The following CAMK2D variants were observed in gnomAD, a reference collection of about 807,000 sequenced individuals.
CAMK2D encodes calcium/calmodulin-dependent protein kinase type II subunit delta.
A neutral mutation model predicts 84.0 loss-of-function variants in CAMK2D; 37 were observed. The observed-to-expected ratio is 0.44, with a 90% CI of 0.34 to 0.58. The LOEUF (loss-of-function observed/expected upper bound fraction) is 0.58. CAMK2D is among the 20% of genes least tolerant of loss of function. The probability of loss-of-function intolerance (pLI) is 0.02; values close to 1 mark genes in which losing one functional copy is unlikely to be tolerated. For synonymous variants in CAMK2D, 202 were observed against 212.5 expected, an observed-to-expected ratio of 0.95 and a Z score of 0.43; for missense variants, 448 against 652.5, an observed-to-expected ratio of 0.69 and a Z score of 3.41.
At chr4:113,642,529 A>T (rs577006704) in intron 3 of CAMK2D, among the ~76,000 whole-genome samples, 1 of 152,214 alleles carries the variant, frequency 6.6e-6, no homozygotes, top group Non-Finnish European at 1.5e-5. Context: ...ACAGATGGAC[A>T]TGCTAAGGCT....
chr4:113,542,862 CTCTCTCTT>C (rs1219135859), intron 6 of CAMK2D, among the ~76,000 whole-genome samples: 4 of 152,050 alleles, frequency 2.6e-5, no homozygotes, highest in African/African-American at 9.7e-5. Context: ...TCATTAAAAT[CTCTCTCTT>C]TCTCTCTCTC....
At chr4:113,709,753 A>ATATATATATATATATATG (rs1561969996) in intron 2 of CAMK2D, among the ~76,000 whole-genome samples, 1 of 92,352 alleles carries the variant, frequency 1.1e-5, no homozygotes, top group African/African-American at 4.8e-5. Context: ...AACGATATAT[A>ATATATATATATATATATG]TATATATATA....
intron 16 of CAMK2D, among the ~76,000 whole-genome samples, chr4:113,471,013 T>C (rs1187155214): frequency 1.3e-5 from 2 of 152,216 alleles, no homozygotes; most frequent in African/African-American, 4.8e-5. Flanking sequence ...AATTGACAAA[T>C]GGAAATAATT....
At chr4:113,552,800 G>C (rs1161582463) in intron 4 of CAMK2D, among the ~76,000 whole-genome samples, 1 of 152,182 alleles carries the variant, frequency 6.6e-6, no homozygotes, top group African/African-American at 2.4e-5. Context: ...CTGGGTGAAA[G>C]AGTACCCACA....
chr4:113,467,336 A>T (rs747747145), intron 16 of CAMK2D, among the ~76,000 whole-genome samples: 4 of 152,172 alleles, frequency 2.6e-5, no homozygotes, highest in African/African-American at 4.8e-5. Flanking sequence ...CACAAGCTTA[A>T]ATGCTTACTT....
At chr4:113,568,341 G>T (rs2098735625) in intron 4 of CAMK2D, among the ~76,000 whole-genome samples, 1 of 151,934 alleles carries the variant, frequency 6.6e-6, no homozygotes, top group African/African-American at 2.4e-5. Flanking sequence ...TGTGCTTTTG[G>T]GTCTAGCTTA....
chr4:113,755,901 C>T (rs779746920), intron 2 of CAMK2D, among the ~76,000 whole-genome samples: 33 of 151,838 alleles, frequency 2.2e-4, no homozygotes, highest in Non-Finnish European at 4.3e-4. Flanking sequence ...ACTAAGCATG[C>T]CCTCAATGCC....
chr4:113,760,858 C>T, intron 1 of CAMK2D, 146 bp downstream of exon 1: 1 of 957,492 alleles, frequency 1.0e-6, no homozygotes, highest in Non-Finnish European at 1.6e-6. Context: ...AAGACAGCAC[C>T]TTCCCCAGAG....
chr4:113,593,874 C>A (rs1483904748), intron 4 of CAMK2D, among the ~76,000 whole-genome samples: 1 of 152,066 alleles, frequency 6.6e-6, no homozygotes, highest in African/African-American at 2.4e-5. Flanking sequence ...TTCCCCATAA[C>A]TTACCACTAT....
intron 2 of CAMK2D, among the ~76,000 whole-genome samples, chr4:113,682,322 T>A (rs1019475707): frequency 1.3e-5 from 2 of 152,072 alleles, no homozygotes; most frequent in Non-Finnish European, 2.9e-5. Context: ...ATGAGAAAAA[T>A]TAATTTCTCA....
Position 113,509,624 on chromosome 4 carries a change from T to A in CAMK2D, c.984+14A>T, listed in dbSNP as rs891994320. On this transcript the variant is annotated intron_variant, in intron 13 of 20. Transcript: ENST00000511664. ...GAAAGTCAGAAATGGATTAGGGGCATCTGTTTAACTTACCTTTACTCCATC... is the reference window on the plus strand; with the variant it reads ...GAAAGTCAGAAATGGATTAGGGGCAACTGTTTAACTTACCTTTACTCCATC... 16 of 1,552,842 alleles carry A rather than the reference T, an allele frequency of 1.0e-5. No homozygotes were observed. In the African/African-American group the frequency reaches 2.2e-4, roughly 21 times the overall value.
chr4:113,493,209 C>G (rs200731610), intron 16 of CAMK2D, among the ~76,000 whole-genome samples: 1 of 150,722 alleles, frequency 6.6e-6, no homozygotes, highest in Non-Finnish European at 1.5e-5. Context: ...TTATTTTGCT[C>G]GTTAGTTGAT....
chr4:113,524,449 G>C (rs1590704037), intron 8 of CAMK2D, among the ~76,000 whole-genome samples: 1 of 152,256 alleles, frequency 6.6e-6, no homozygotes, highest in East Asian at 1.9e-4. Context: ...GTTCATCCAT[G>C]TTGTAGCACG....
At chr4:113,584,264 G>A (rs896879606) in intron 4 of CAMK2D, among the ~76,000 whole-genome samples, 1 of 152,164 alleles carries the variant, frequency 6.6e-6, no homozygotes, top group African/African-American at 2.4e-5. Context: ...ACCTCAAAGT[G>A]TGAGAGCTCT....
chr4:113,581,009 T>C (rs1402766797), intron 4 of CAMK2D, among the ~76,000 whole-genome samples: 1 of 152,060 alleles, frequency 6.6e-6, no homozygotes, highest in Non-Finnish European at 1.5e-5. Flanking sequence ...AGCAAACCAC[T>C]ATGGTACACG....
At chr4:113,457,305 C>CA (rs751769614) in intron 19 of CAMK2D, 30 bp downstream of exon 19, 1 of 1,612,116 alleles carries the variant, frequency 6.2e-7, no homozygotes, top group South Asian at 1.1e-5. Context: ...GGTGTATTAA[C>CA]AAAGAAGCTG....
chr4:113,729,178 T>G (rs1297436054), intron 2 of CAMK2D, among the ~76,000 whole-genome samples: 1 of 152,184 alleles, frequency 6.6e-6, no homozygotes, highest in Non-Finnish European at 1.5e-5. Context: ...TTCAATAGTC[T>G]CCTAACTAGT....
At position 113,661,789 on chromosome 4, in the gene CAMK2D, C is replaced by T; in HGVS notation, c.161-17G>A. On this transcript the variant is annotated splice_polypyrimidine_tract_variant and intron_variant, in intron 2 of 20. Transcript: ENST00000511664. ...TCTGATGATCTGTTAAAAAAAAAAA[C>T]AGAATAAGGCAAAAATAAAGCAAAA... 1 of 1,288,480 alleles carries T rather than the reference C, an allele frequency of 7.8e-7. No homozygotes were observed. Among genetic ancestry groups the T allele is most frequent in the Non-Finnish European group, 1.1e-6 (1 of 936,610 alleles). The allele number at this position is 1,288,480 out of a possible 1,614,324, so 79.8% of individuals were successfully genotyped here.
At chr4:113,578,482 T>C (rs914274967) in intron 4 of CAMK2D, among the ~76,000 whole-genome samples, 23 of 152,208 alleles carry the variant, frequency 1.5e-4, no homozygotes, top group Non-Finnish European at 4.4e-5. Flanking sequence ...GACAAGTTTT[T>C]CAAGTGTATT....
Sources: allele counts gnomAD v4.1 joint callset (sites outside exome capture counted in the v4.1 genomes callset), GRCh38; gene constraint gnomAD v4.1.1; transcripts MANE v1.5; gene names NCBI Gene and HGNC (gene_info 2026-07-23, HGNC 2026-07-21).